The following VPS26A variants were observed in gnomAD, a reference collection of about 807,000 sequenced individuals.
The protein encoded by VPS26A is vacuolar protein sorting-associated protein 26A.
Under a neutral mutation model 42.4 loss-of-function variants are expected in VPS26A, and 22 were observed. The observed-to-expected ratio is 0.52, with a 90% CI of 0.37 to 0.74. The LOEUF is 0.74. Among genes scored for constraint, VPS26A ranks in the 30% least tolerant of loss-of-function variants. The probability of loss-of-function intolerance (pLI) is 0.00; values close to 1 mark genes in which losing one functional copy is unlikely to be tolerated. For missense variants in VPS26A, 276 were observed against 379.2 expected, an observed-to-expected ratio of 0.73 and a Z score of 2.26; for synonymous variants, 110 against 123.5, an observed-to-expected ratio of 0.89 and a Z score of 0.73.
chr10:69,171,416 T>G lies in VPS26A; in HGVS notation c.*147T>G, dbSNP rs1841812874. 1 of 594,634 alleles carries G rather than the reference T, an allele frequency of 1.7e-6. No individual in the cohort carries two copies. The highest frequency in any genetic ancestry group is 2.2e-5 in the South Asian group (1 of 45,430). The allele number at this position is 594,634 out of a possible 1,614,324, so 36.8% of individuals were successfully genotyped here. A position where few individuals can be genotyped will look rare whatever the true frequency, so the allele number is the denominator to read the frequency against. On this transcript the variant is annotated 3_prime_UTR_variant, in exon 9 of 9. Transcript: ENST00000263559. ...TCTTCCTTTATCTTACAGCGCAGCATTTATTTTATGATATAATGAAATGTT... is the reference window on the plus strand; with the variant it reads ...TCTTCCTTTATCTTACAGCGCAGCAGTTATTTTATGATATAATGAAATGTT...
At position 69,166,029 on chromosome 10, in the gene VPS26A, A is replaced by G; in HGVS notation, c.659-13A>G. ...GAATATTTAAATTAATGTTATTTAC[A>G]TTATTGCACTAGGACCCAGTACCAC... On this transcript the variant is annotated splice_polypyrimidine_tract_variant and intron_variant, in intron 6 of 8. Transcript: ENST00000263559. 2 of 1,607,628 alleles carry G rather than the reference A, an allele frequency of 1.2e-6. No homozygotes were observed. Among genetic ancestry groups the G allele is most frequent in the African/African-American group, 2.7e-5 (2 of 74,852 alleles).
Position 69,152,145 on chromosome 10 carries a change from G to GCTGC in VPS26A, c.154-3666_154-3663dup, listed in dbSNP as rs1389687884. Among the ~76,000 whole-genome samples the GCTGC allele has an allele frequency of 2.6e-5, 4 of 152,132 alleles. No individual in the cohort carries two copies. In the East Asian group the frequency reaches 5.8e-4, roughly 22 times the overall value. ...AATCACTTGAGCCTGGCAGATTGAGGCTGCAGTGAGTCATGATGGTGCCAC... is the reference window on the plus strand; with the variant it reads ...AATCACTTGAGCCTGGCAGATTGAGGCTGCCTGCAGTGAGTCATGATGGTGCCAC... On this transcript the variant is annotated intron_variant, in intron 2 of 8. Coordinates refer to ENST00000263559, the MANE Select transcript of VPS26A (RefSeq NM_004896.5).
rs1240508055 is a variant in VPS26A, at chr10:69,124,298, A to C, written c.3+18A>C. ...TGACAATGGTGAGTGCGCGGCGGCC[A>C]GCGCGCTCGCCTCCCGCCCTCGTCC... On this transcript the variant is annotated intron_variant, in intron 1 of 8. Transcript: ENST00000263559. The C allele has an allele frequency of 2.4e-6, 3 of 1,251,298 alleles. No individual in the cohort carries two copies. The highest frequency in any genetic ancestry group is 3.0e-6 in the Non-Finnish European group (3 of 991,884). The allele number at this position is 1,251,298 out of a possible 1,614,324, so 77.5% of individuals were successfully genotyped here.
At chr10:69,149,286 C>T (rs1399116446) in intron 2 of VPS26A, among the ~76,000 whole-genome samples, 2 of 152,134 alleles carry the variant, frequency 1.3e-5, no homozygotes, top group South Asian at 2.1e-4. Context: ...TACAACTACA[C>T]TTTTGTGGTC....
chr10:69,157,002 C>A lies in VPS26A; in HGVS notation c.230-5C>A. The A allele has an allele frequency of 6.3e-7, 1 of 1,583,434 alleles. No homozygotes were observed. Among genetic ancestry groups the A allele is most frequent in the Non-Finnish European group, 8.6e-7 (1 of 1,166,060 alleles). On this transcript the variant is annotated splice_region_variant and splice_polypyrimidine_tract_variant and intron_variant, in intron 3 of 8. Transcript: ENST00000263559. ...TTGGTCTTTTTGCCTTTTAAAATTT[C>A]TCAGAACTTTTCAATGACAAGAGTA...
rs1401295662 is a variant in VPS26A at position 69,171,447 on chromosome 10, A to G, written c.*178A>G. ...TTATGATATAATGAAATGTTCGTTC[A>G]TGTATATACATTTTTAAAAGTGCTT... On this transcript the variant is annotated 3_prime_UTR_variant, in exon 9 of 9. Coordinates refer to ENST00000263559, the MANE Select transcript of VPS26A (RefSeq NM_004896.5). 2.1e-6 allele frequency: 1 copy of G among 481,032 alleles called. No individual in the cohort carries two copies. The highest frequency in any genetic ancestry group is 3.6e-6 in the Non-Finnish European group (1 of 278,170). 29.8% of individuals were successfully genotyped at this position (481,032 alleles called of 1,614,324 possible).
chr10:69,148,240 G>T (rs1368267447), intron 2 of VPS26A, among the ~76,000 whole-genome samples: 1 of 152,106 alleles, frequency 6.6e-6, no homozygotes, highest in Non-Finnish European at 1.5e-5. Flanking sequence ...ACTTTCATTT[G>T]TAAGACATTT....
intron 1 of VPS26A, among the ~76,000 whole-genome samples, chr10:69,128,996 CAAAAAAAA>C (rs60820610): frequency 1.5e-4 from 10 of 68,396 alleles, no homozygotes; most frequent in African/African-American, 4.4e-4. Flanking sequence ...GACTCTGTCT[CAAAAAAAA>C]AAAAAAAAAA....
chr10:69,168,977 C>T (rs1478558924), intron 8 of VPS26A, among the ~76,000 whole-genome samples: 3 of 150,436 alleles, frequency 2.0e-5, no homozygotes, highest in Non-Finnish European at 4.4e-5. Context: ...GAATTTCCAC[C>T]ACCATTGCAA....
At chr10:69,133,398 A>T (rs113514317) in intron 2 of VPS26A, 19 of 393,010 alleles carry the variant, frequency 4.8e-5, no homozygotes, top group Middle Eastern at 3.8e-4. Flanking sequence ...ATTCACCCAA[A>T]GTTTGTTTTT....
At chr10:69,145,463 G>A (rs1436104454) in intron 2 of VPS26A, among the ~76,000 whole-genome samples, 4 of 152,136 alleles carry the variant, frequency 2.6e-5, no homozygotes, top group Admixed American at 2.6e-4. Context: ...ATGAACCCAG[G>A]ATGTATACTG....
rs1226538824 is a variant in VPS26A at position 69,143,622 on chromosome 10, T to C, written c.153+10575T>C. ...ACATCACTGTCTTGTTTATCCTGTC[T>C]TCTCTAAGCTAAATATGCTATTTCC... On this transcript the variant is annotated intron_variant, in intron 2 of 8. Transcript: ENST00000263559. 2.6e-5 allele frequency among the ~76,000 whole-genome samples: 4 copies of C among 152,328 alleles called. No homozygotes were observed. In the East Asian group the frequency reaches 7.7e-4, roughly 29 times the overall value.
chr10:69,169,471 C>G lies in VPS26A; in HGVS notation c.870+840C>G, dbSNP rs116453777. On this transcript the variant is annotated intron_variant, in intron 8 of 8. Transcript: ENST00000263559. The stretch of plus-strand genomic sequence containing the variant: ...CGCTACAGGTTAATTTTTGTATTTT[C>G]TTTTTTGTAGAGACAGGGTTTTGCC... 7.5e-3 allele frequency among the ~76,000 whole-genome samples: 1,134 copies of G among 151,804 alleles called. 26 individuals are homozygous for G. The highest frequency in any genetic ancestry group is 0.026 in the African/African-American group (1,085 of 41,404).
intron 2 of VPS26A, among the ~76,000 whole-genome samples, chr10:69,134,671 T>G (rs1449155564): frequency 1.3e-5 from 2 of 152,280 alleles, no homozygotes; most frequent in East Asian, 3.9e-4. Context: ...AGGTTATTTT[T>G]TTTTTTTGTA....
chr10:69,137,853 C>G (rs1840950392), intron 2 of VPS26A, among the ~76,000 whole-genome samples: 1 of 143,806 alleles, frequency 7.0e-6, no homozygotes, highest in Non-Finnish European at 1.5e-5. Context: ...TTTTTTTAAG[C>G]TGTATTGAGA....
Position 69,168,532 on chromosome 10 carries a change from A to G in VPS26A, c.771A>G (p.Pro257=). ...GGCTATTTTTAGCAGGATATGACCC[A>G]ACTCCAACAATGAGAGATGTGAACA... ...PIRLFLAGYD[P]TPTMRDVNKK... is the part of the protein sequence containing the mutation. Residue 257 remains proline, a synonymous_variant, in exon 8 of 9, where the codon CCA becomes CCG. Coordinates refer to ENST00000263559, the MANE Select transcript of VPS26A (RefSeq NM_004896.5). 1.2e-6 allele frequency: 2 copies of G among 1,614,142 alleles called. No homozygotes were observed. Among genetic ancestry groups the G allele is most frequent in the Non-Finnish European group, 1.7e-6 (2 of 1,180,010 alleles).
chr10:69,128,688 G>A (rs1840712238), intron 1 of VPS26A, among the ~76,000 whole-genome samples: 2 of 151,974 alleles, frequency 1.3e-5, no homozygotes. Context: ...GGAAGTGTCA[G>A]GAGGAATGAG....
intron 2 of VPS26A, among the ~76,000 whole-genome samples, chr10:69,136,028 C>T (rs1376930758): frequency 6.6e-6 from 1 of 152,106 alleles, no homozygotes; most frequent in Non-Finnish European, 1.5e-5. Flanking sequence ...CTCAGGTTCC[C>T]TCTTCATACC....
At chr10:69,166,846 G>A (rs1353935228) in intron 7 of VPS26A, among the ~76,000 whole-genome samples, 8 of 152,272 alleles carry the variant, frequency 5.3e-5, no homozygotes, top group East Asian at 1.9e-4. Flanking sequence ...AAATATTCAG[G>A]CCGGGTGTGG....
Sources: allele counts gnomAD v4.1 joint callset (sites outside exome capture counted in the v4.1 genomes callset), GRCh38; gene constraint gnomAD v4.1.1; transcripts MANE v1.5; gene names NCBI Gene and HGNC (gene_info 2026-07-23, HGNC 2026-07-21).